The following TATDN3 variants were observed in gnomAD, a reference collection of about 807,000 sequenced individuals.
TATDN3 encodes the protein TatD DNase domain containing 3.
Under a neutral mutation model 40.1 loss-of-function variants are expected in TATDN3, and 29 were observed. The observed-to-expected ratio is 0.72, with a 90% CI of 0.54 to 0.99. The LOEUF (loss-of-function observed/expected upper bound fraction) is 0.99. TATDN3 is among the 50% of genes least tolerant of loss of function. The pLI is 0.00. For missense variants in TATDN3, 309 were observed against 321.9 expected (o/e 0.96, Z 0.31); for synonymous variants, 105 against 117.0 (o/e 0.90, Z 0.66).
At chr1:212,792,402 C>T (rs1377324824) in intron 1 of TATDN3, among the ~76,000 whole-genome samples, 2 of 149,270 alleles carry the variant, frequency 1.3e-5, no homozygotes, top group Non-Finnish European at 3.0e-5. Flanking sequence ...GAGGCCGAGG[C>T]GGGCGCTGCG....
Position 212,795,115 on chromosome 1 carries a change from G to A in TATDN3, c.87G>A (p.Glu29=). ...DFDRDLDDVL[E]KAKKANVVAL... is the part of the protein sequence containing the mutation. ...TTTAGGATTTGGATGATGTGTTGGAGAAAGCCAAGAAGGTAAGTCAATATT... is the reference window on the plus strand; with the variant it reads ...TTTAGGATTTGGATGATGTGTTGGAAAAAGCCAAGAAGGTAAGTCAATATT... Residue 29 remains glutamate (E), a synonymous_variant, in exon 2 of 10, where the codon GAG becomes GAA. Coordinates refer to ENST00000366974, the MANE Select transcript of TATDN3 (RefSeq NM_001042552.3). 6.2e-7 allele frequency: 1 copy of A among 1,612,502 alleles called. No individual in the cohort carries two copies. Among genetic ancestry groups the A allele is most frequent in the African/African-American group, 1.3e-5 (1 of 74,996 alleles).
intron 9 of TATDN3, among the ~76,000 whole-genome samples, chr1:212,813,016 A>G (rs1662980438): frequency 1.3e-5 from 2 of 152,194 alleles, no homozygotes; most frequent in South Asian, 4.1e-4. Flanking sequence ...TCAAAAAAAA[A>G]AGAAAAGATT....
intron 4 of TATDN3, among the ~76,000 whole-genome samples, chr1:212,798,188 TG>T (rs1348945278): frequency 1.3e-5 from 2 of 151,902 alleles, no homozygotes; most frequent in East Asian, 3.9e-4. Flanking sequence ...TATCCAGGTG[TG>T]GTGGCGTGCA....
chr1:212,800,298 T>C (rs1008415563), intron 4 of TATDN3, among the ~76,000 whole-genome samples: 1 of 152,078 alleles, frequency 6.6e-6, no homozygotes, highest in African/African-American at 2.4e-5. Context: ...TGGCATATAT[T>C]TGGCATTAAT....
chr1:212,797,019 A>T lies in TATDN3; in HGVS notation c.174-93A>T, dbSNP rs116227279. ...CCAAAGTGCTGGAATTACAGACATA[A>T]GCCACCATGCCCGACCTCTACTTAT... On this transcript the variant is annotated intron_variant, in intron 3 of 9. Coordinates refer to ENST00000366974, the MANE Select transcript of TATDN3 (RefSeq NM_001042552.3). 11 of 953,060 alleles carry T rather than the reference A, an allele frequency of 1.2e-5. 1 individual carries two copies. The highest frequency in any genetic ancestry group is 1.7e-5 in the Non-Finnish European group (10 of 602,534). 59.0% of individuals were successfully genotyped at this position (953,060 alleles called of 1,614,324 possible).
chr1:212,806,838 A>ATATATATACACATATATACATATG (rs1662549409), intron 7 of TATDN3, among the ~76,000 whole-genome samples: 7 of 44,986 alleles, frequency 1.6e-4, no homozygotes, highest in South Asian at 7.7e-4. Flanking sequence ...ATATATATAC[A>ATATATATACACATATATACATATG]TATATACACA....
chr1:212,796,992 TC>T, intron 3 of TATDN3, 119 bp from the exon 4 acceptor site: 1 of 729,208 alleles, frequency 1.4e-6, no homozygotes, highest in South Asian at 1.8e-5. Flanking sequence ...TGGTTCAGCC[TC>T]CCAAAGTGCT....
Position 212,795,128 on chromosome 1 carries a change from G to T in TATDN3, c.99+1G>T. The T allele has an allele frequency of 6.2e-7, 1 of 1,611,184 alleles. No homozygotes were observed. The highest frequency in any genetic ancestry group is 8.5e-7 in the Non-Finnish European group (1 of 1,178,024). On this transcript the variant is annotated splice_donor_variant, in intron 2 of 9. Coordinates refer to ENST00000366974, the MANE Select transcript of TATDN3 (RefSeq NM_001042552.3). LOFTEE classifies it high-confidence loss of function. Reference sequence around the variant, plus strand: ...TGATGTGTTGGAGAAAGCCAAGAAGGTAAGTCAATATTTGTAATTGCTCTT... The same window carrying T: ...TGATGTGTTGGAGAAAGCCAAGAAGTTAAGTCAATATTTGTAATTGCTCTT...
intron 4 of TATDN3, among the ~76,000 whole-genome samples, chr1:212,800,662 T>C (rs7552899): frequency 0.19 from 28,618 of 151,972 alleles, 2,807 homozygotes; most frequent in East Asian, 0.26. Context: ...CCTTTTGCCC[T>C]CCTTCCTTCT....
intron 8 of TATDN3, among the ~76,000 whole-genome samples, chr1:212,809,556 C>T (rs752449826): frequency 3.3e-5 from 5 of 151,880 alleles, no homozygotes; most frequent in Non-Finnish European, 5.9e-5. Context: ...TGGTGGTGGG[C>T]GCCTGTAGTC....
At chr1:212,800,374 C>CT (rs373975223) in intron 4 of TATDN3, among the ~76,000 whole-genome samples, 1,802 of 134,000 alleles carry the variant, frequency 0.013, 32 homozygotes, top group African/African-American at 0.041. Flanking sequence ...ATAGGTACTT[C>CT]TTTTTTTTTT....
chr1:212,794,865 CT>C (rs1661634397), intron 1 of TATDN3: 5 of 645,416 alleles, frequency 7.7e-6, no homozygotes, highest in South Asian at 7.6e-5. Flanking sequence ...GAGAAATACC[CT>C]GTATATTTGA....
At chr1:212,810,309 A>G (rs1662790463) in intron 8 of TATDN3, among the ~76,000 whole-genome samples, 1 of 151,992 alleles carries the variant, frequency 6.6e-6, no homozygotes, top group Admixed American at 6.6e-5. Context: ...TCAGGAGATC[A>G]AGACCATCCT....
At chr1:212,801,574 A>C (rs988602108) in intron 4 of TATDN3, among the ~76,000 whole-genome samples, 4 of 151,952 alleles carry the variant, frequency 2.6e-5, no homozygotes, top group African/African-American at 9.7e-5. Context: ...AATTTCTGTG[A>C]CTCAGGCTTT....
rs61736925 is a variant in TATDN3 at position 212,791,930 on chromosome 1, G to A, written c.9G>A (p.Ala3=). The part of the protein sequence containing the change: MR[A]AGVGLVDCHC... ...GCAGCCGCCGGGGCGCAATGCGAGC[G>A]GCTGGCGTAGGCTTGGTGGACTGTC... Residue 3 remains alanine, a synonymous_variant, in exon 1 of 10, where the codon GCG becomes GCA. Coordinates refer to ENST00000366974, the MANE Select transcript of TATDN3 (RefSeq NM_001042552.3). The A allele has an allele frequency of 6.2e-7, 1 of 1,613,282 alleles. No individual in the cohort carries two copies.
At position 212,791,933 on chromosome 1, in the gene TATDN3, T is replaced by C. The variant is rs756290328; in HGVS notation, c.12T>C (p.Ala4=). The change falls in exon 1 of 10, where the codon GCT becomes GCC. Residue 4 remains alanine, a synonymous_variant. Coordinates refer to ENST00000366974, the MANE Select transcript of TATDN3 (RefSeq NM_001042552.3). ...GCCGCCGGGGCGCAATGCGAGCGGCTGGCGTAGGCTTGGTGGACTGTCACT... is the reference window on the plus strand; with the variant it reads ...GCCGCCGGGGCGCAATGCGAGCGGCCGGCGTAGGCTTGGTGGACTGTCACT... The part of the protein sequence containing the change: MRA[A]GVGLVDCHCH... 2.5e-6 allele frequency: 4 copies of C among 1,613,440 alleles called. No homozygotes were observed. In the African/African-American group the frequency reaches 5.3e-5, roughly 22 times the overall value.
rs1663175898 is a variant in TATDN3, at chr1:212,816,193, T to C, written c.*1037T>C. ...ATATTTTTAAGTTTAAAAATGTTAG[T>C]GTAAGCCAGGCACAGTGGCATTCAC... On this transcript the variant is annotated 3_prime_UTR_variant, in exon 10 of 10. Coordinates refer to ENST00000366974, the MANE Select transcript of TATDN3 (RefSeq NM_001042552.3). The C allele has an allele frequency of 6.6e-6, 1 of 152,214 alleles. No individual in the cohort carries two copies. The highest frequency in any genetic ancestry group is 1.5e-5 in the Non-Finnish European group (1 of 68,044). 9.4% of individuals were successfully genotyped at this position (152,214 alleles called of 1,614,324 possible). A position where few individuals can be genotyped will look rare whatever the true frequency, so the allele number is the denominator to read the frequency against.
intron 7 of TATDN3, among the ~76,000 whole-genome samples, chr1:212,805,351 G>A (rs1236049159): frequency 1.3e-5 from 2 of 152,098 alleles, no homozygotes; most frequent in Non-Finnish European, 2.9e-5. Flanking sequence ...CACCTCCTGG[G>A]TTCAAGCTAT....
intron 8 of TATDN3, among the ~76,000 whole-genome samples, chr1:212,811,479 G>T (rs1329971400): frequency 6.9e-6 from 1 of 145,010 alleles, no homozygotes; most frequent in East Asian, 2.0e-4. Flanking sequence ...GCCCAGGCTG[G>T]TCTCGAACTC....
Sources: gnomAD v4.1 joint callset for allele counts (sites outside exome capture counted in the v4.1 genomes callset) on GRCh38, gnomAD v4.1.1 for gene constraint, MANE v1.5 for transcripts, NCBI Gene and HGNC (gene_info 2026-07-23, HGNC 2026-07-21) for gene names.